The following RBFOX1 variants were observed in gnomAD, a reference collection of about 807,000 sequenced individuals.
The protein encoded by RBFOX1 is RNA binding protein fox-1 homolog 1.
A neutral mutation model predicts 57.7 loss-of-function variants in RBFOX1; 8 were observed. The ratio of observed to expected loss-of-function variants is 0.14; its 90% CI spans 0.08 to 0.25. The LOEUF is 0.25. Among genes scored for constraint, RBFOX1 ranks in the 10% least tolerant of loss-of-function variants. The pLI is 1.00. For synonymous variants in RBFOX1, 326 were observed against 222.4 expected, an observed-to-expected ratio of 1.47 and a Z score of -4.15; for missense variants, 611 against 548.5, an observed-to-expected ratio of 1.11 and a Z score of -1.14.
At chr16:7,635,288 C>A (rs1320576544) in intron 11 of RBFOX1, among the ~76,000 whole-genome samples, 1 of 152,240 alleles carries the variant, frequency 6.6e-6, no homozygotes, top group East Asian at 1.9e-4. Flanking sequence ...CCAGCTACCG[C>A]AGATCCTTAT....
At chr16:7,175,764 C>A (rs1035929619) in intron 4 of RBFOX1, among the ~76,000 whole-genome samples, 1 of 152,170 alleles carries the variant, frequency 6.6e-6, no homozygotes, top group Non-Finnish European at 1.5e-5. Flanking sequence ...GATAAAATGT[C>A]TTCCTCTCTC....
intron 4 of RBFOX1, among the ~76,000 whole-genome samples, chr16:7,209,501 C>A (rs1306498245): frequency 6.6e-6 from 1 of 152,164 alleles, no homozygotes; most frequent in East Asian, 1.9e-4. Flanking sequence ...TTGGCTCCTG[C>A]CAGCTTATTA....
chr16:5,850,186 T>A (rs1191995135), intron 3 of RBFOX1, among the ~76,000 whole-genome samples: 2 of 152,130 alleles, frequency 1.3e-5, no homozygotes, highest in African/African-American at 4.8e-5. Context: ...ATCCGTTTTA[T>A]CCAGAGGGAT....
chr16:7,456,897 CT>C (rs34199539), intron 4 of RBFOX1, among the ~76,000 whole-genome samples: 50,944 of 148,402 alleles, frequency 0.34, 9,924 homozygotes, highest in Non-Finnish European at 0.45. Flanking sequence ...TACTTTTTTT[CT>C]TTTTTTTTTT....
chr16:7,155,556 A>G (rs2076905001), intron 4 of RBFOX1, among the ~76,000 whole-genome samples: 2 of 150,506 alleles, frequency 1.3e-5, no homozygotes, highest in South Asian at 4.2e-4. Flanking sequence ...AGATTGCACC[A>G]CTGCCCTCCA....
chr16:7,248,716 C>T lies in RBFOX1; in HGVS notation c.27+196618C>T, dbSNP rs144282890. On this transcript the variant is annotated intron_variant, in intron 4 of 15. Transcript: ENST00000550418. ...AAGAAAATTAGAGTTGCATGTTATT[C>T]ATCATCCAGAGATAATGTGAATTAG... 9.7e-4 allele frequency among the ~76,000 whole-genome samples: 147 copies of T among 152,222 alleles called. 1 individual carries two copies. The highest frequency in any genetic ancestry group is 3.2e-3 in the African/African-American group (131 of 41,550).
intron 4 of RBFOX1, among the ~76,000 whole-genome samples, chr16:7,265,184 G>A (rs947921531): frequency 2.0e-5 from 3 of 152,174 alleles, no homozygotes; most frequent in Middle Eastern, 3.2e-3. Flanking sequence ...CCATAGCAAA[G>A]TGCCATAGAC....
chr16:7,677,635 C>T lies in RBFOX1; in HGVS notation c.995+797C>T, dbSNP rs146620933. On this transcript the variant is annotated intron_variant, in intron 14 of 15. Transcript: ENST00000550418. ...CCTTGAAAAGGAAAGTGTGTGTTTT[C>T]ATATTGAATGCAACTCCTTGGCTCT... Among the ~76,000 whole-genome samples, 544 of 152,240 alleles carry T rather than the reference C, an allele frequency of 3.6e-3. 3 individuals carry two copies. Among genetic ancestry groups the T allele is most frequent in the African/African-American group, 0.013 (526 of 41,540 alleles).
intron 1 of RBFOX1, among the ~76,000 whole-genome samples, chr16:5,284,747 T>A (rs184202438): frequency 1.5e-4 from 21 of 135,694 alleles, no homozygotes; most frequent in African/African-American, 5.0e-4. Context: ...TATAGTAGTT[T>A]TGGCTTAGAT....
chr16:7,265,808 T>G (rs1306356363), intron 4 of RBFOX1, among the ~76,000 whole-genome samples: 1 of 152,024 alleles, frequency 6.6e-6, no homozygotes, highest in South Asian at 2.1e-4. Context: ...TGATATAGTT[T>G]GGATATTTGT....
intron 4 of RBFOX1, among the ~76,000 whole-genome samples, chr16:7,419,355 C>T (rs566372573): frequency 1.3e-5 from 2 of 152,304 alleles, no homozygotes; most frequent in East Asian, 1.9e-4. Flanking sequence ...TATTCAATTC[C>T]AGGAGTCTCC....
chr16:5,575,900 T>G (rs2046436312), intron 2 of RBFOX1, among the ~76,000 whole-genome samples: 1 of 151,266 alleles, frequency 6.6e-6, no homozygotes, highest in African/African-American at 2.4e-5. Flanking sequence ...TTGCAGCAAA[T>G]GGGTCACGCA....
At chr16:6,311,712 C>A (rs562076769) in intron 1 of RBFOX1, among the ~76,000 whole-genome samples, 9 of 152,240 alleles carry the variant, frequency 5.9e-5, no homozygotes, top group Non-Finnish European at 1.3e-4. Flanking sequence ...GATACTCTGA[C>A]TGCAGTAGTG....
intron 1 of RBFOX1, among the ~76,000 whole-genome samples, chr16:6,265,662 G>T (rs1199717881): frequency 6.6e-6 from 1 of 152,178 alleles, no homozygotes; most frequent in Non-Finnish European, 1.5e-5. Flanking sequence ...CAGGATATGT[G>T]CGTCAACCAC....
intron 3 of RBFOX1, among the ~76,000 whole-genome samples, chr16:5,685,309 C>T (rs1437468704): frequency 6.6e-6 from 1 of 152,144 alleles, no homozygotes; most frequent in Non-Finnish European, 1.5e-5. Flanking sequence ...TATACCTCTC[C>T]CACCTGGACC....
intron 4 of RBFOX1, among the ~76,000 whole-genome samples, chr16:7,484,927 C>T (rs1363481241): frequency 3.3e-5 from 5 of 152,150 alleles, no homozygotes; most frequent in African/African-American, 1.2e-4. Context: ...AGACATTTGT[C>T]CCAACCCATA....
chr16:5,661,925 A>T (rs2049665357), intron 3 of RBFOX1, among the ~76,000 whole-genome samples: 3 of 152,106 alleles, frequency 2.0e-5, no homozygotes. Flanking sequence ...CGCTGGGACT[A>T]CAGGCACGTG....
chr16:7,301,953 G>C (rs1379565668), intron 4 of RBFOX1, among the ~76,000 whole-genome samples: 1 of 152,146 alleles, frequency 6.6e-6, no homozygotes, highest in Non-Finnish European at 1.5e-5. Context: ...GAGAAGAAAA[G>C]AGGGAATTCT....
At position 7,542,783 on chromosome 16, in the gene RBFOX1, A is replaced by G. The variant is rs912864061; in HGVS notation, c.270+24394A>G. Among the ~76,000 whole-genome samples, 6 of 149,438 alleles carry G rather than the reference A, an allele frequency of 4.0e-5. No individual in the cohort carries two copies. The South Asian group carries it at 6.6e-4, about 16-fold the overall frequency. ...TCGGGTGGCTGAGGCATGAGAATCAATTGAACCTGGGAGGCAAGACTGTCT... is the reference window on the plus strand; with the variant it reads ...TCGGGTGGCTGAGGCATGAGAATCAGTTGAACCTGGGAGGCAAGACTGTCT... On this transcript the variant is annotated intron_variant, in intron 5 of 15. Coordinates refer to ENST00000550418, the MANE Select transcript of RBFOX1 (RefSeq NM_018723.4).
Sources: allele counts gnomAD v4.1 joint callset (sites outside exome capture counted in the v4.1 genomes callset), GRCh38; gene constraint gnomAD v4.1.1; transcripts MANE v1.5; gene names NCBI Gene and HGNC (gene_info 2026-07-23, HGNC 2026-07-21).